BTAF1: variants seen among roughly 807,000 people sequenced by gnomAD.
BTAF1 encodes the protein B-TFIID TATA-box binding protein associated factor 1, also known as TATA-binding protein-associated factor 172.
Under a neutral mutation model 227.1 loss-of-function variants are expected in BTAF1, and 38 were observed. The observed-to-expected ratio is 0.17, with a 90% confidence interval of 0.13 to 0.22. The LOEUF (loss-of-function observed/expected upper bound fraction) is 0.22. Among genes scored for constraint, BTAF1 ranks in the 10% least tolerant of loss-of-function variants. BTAF1 has a pLI of 1.00. For missense variants in BTAF1, 1,598 were observed against 2,204.0 expected (o/e 0.73, Z 5.51); for synonymous variants, 742 against 751.9 (o/e 0.99, Z 0.21).
At chr10:91,961,332 A>G (rs970233089) in intron 11 of BTAF1, among the ~76,000 whole-genome samples, 3 of 152,190 alleles carry the variant, frequency 2.0e-5, no homozygotes, top group Non-Finnish European at 4.4e-5. Context: ...CATTATGGCT[A>G]CTTAATGCTT....
At chr10:91,977,767 A>G (rs573592129) in intron 14 of BTAF1, among the ~76,000 whole-genome samples, 5 of 152,288 alleles carry the variant, frequency 3.3e-5, no homozygotes, top group East Asian at 3.9e-4. Context: ...GCTAACAGGT[A>G]TAGAGTGGTA....
intron 23 of BTAF1, among the ~76,000 whole-genome samples, chr10:91,995,447 TGG>T (rs1849068608): frequency 6.6e-6 from 1 of 151,524 alleles, no homozygotes; most frequent in Admixed American, 6.6e-5. Flanking sequence ...GAGGCCGAGG[TGG>T]GTGAATCACG....
chr10:91,971,008 C>T (rs1419683710), intron 14 of BTAF1, among the ~76,000 whole-genome samples: 1 of 152,178 alleles, frequency 6.6e-6, no homozygotes, highest in Non-Finnish European at 1.5e-5. Flanking sequence ...AACAAAAGTG[C>T]TTTTCTAGTC....
chr10:91,948,369 CTATTTATTTATTTATTTATT>C (rs59744946), intron 4 of BTAF1, among the ~76,000 whole-genome samples: 2 of 143,046 alleles, frequency 1.4e-5, no homozygotes, highest in East Asian at 2.1e-4. Context: ...AGTTTTAGAA[CTATTTATTTATTTATTTATT>C]TATTTATTTA....
chr10:91,928,613 G>A (rs1844031530), intron 1 of BTAF1, among the ~76,000 whole-genome samples: 1 of 152,040 alleles, frequency 6.6e-6, no homozygotes, highest in Admixed American at 6.5e-5. Flanking sequence ...AATAATAAGT[G>A]TTATATTTTT....
chr10:92,023,853 C>T (rs977048152), intron 34 of BTAF1, among the ~76,000 whole-genome samples: 6 of 152,222 alleles, frequency 3.9e-5, no homozygotes, highest in South Asian at 4.2e-4. Flanking sequence ...CGGCTGGTCT[C>T]GAACTCTTGA....
rs768571890 is a variant in BTAF1 at position 92,009,194 on chromosome 10, C to T, written c.4089C>T (p.Pro1363=). Residue 1363 remains proline, a synonymous_variant, in exon 28 of 38, where the codon CCC becomes CCT. Transcript: ENST00000265990. The part of the protein sequence containing the change: ...YLNPLHYTGP[P]TERIRLQHQV... ...ACCCGTTGCATTACACTGGACCTCCCACTGAAAGAATAAGGTAAGAGTTGT... is the reference window on the plus strand; with the variant it reads ...ACCCGTTGCATTACACTGGACCTCCTACTGAAAGAATAAGGTAAGAGTTGT... 6.2e-7 allele frequency: 1 copy of T among 1,613,800 alleles called. No homozygotes were observed. The highest frequency in any genetic ancestry group is 1.1e-5 in the South Asian group (1 of 91,008).
chr10:92,010,690 G>A (rs1333805511), intron 28 of BTAF1, among the ~76,000 whole-genome samples: 1 of 152,188 alleles, frequency 6.6e-6, no homozygotes, highest in Non-Finnish European at 1.5e-5. Context: ...GTGGTTAGGG[G>A]ATTAAGTATT....
chr10:91,948,083 T>A (rs779679639), intron 4 of BTAF1, among the ~76,000 whole-genome samples: 19 of 152,174 alleles, frequency 1.2e-4, no homozygotes, highest in Non-Finnish European at 2.4e-4. Context: ...TATGTATACA[T>A]GTGCCGTGTT....
rs1329787834 is a variant in BTAF1, at chr10:92,030,820, TGTAAAATA to T, written c.*1893_*1900del. Reference sequence around the variant, plus strand: ...ACATTTTTAAAATAATCTTTTGAGTTGTAAAATAGTAAATCACACATTCCAACTTTTCC... The same window carrying T: ...ACATTTTTAAAATAATCTTTTGAGTTGTAAATCACACATTCCAACTTTTCC... On this transcript the variant is annotated 3_prime_UTR_variant, in exon 38 of 38. Transcript: ENST00000265990. 1.3e-5 allele frequency among the ~76,000 whole-genome samples: 2 copies of T among 152,172 alleles called. No individual in the cohort carries two copies. The highest frequency in any genetic ancestry group is 4.8e-5 in the African/African-American group (2 of 41,448).
intron 1 of BTAF1, 106 bp downstream of exon 1, chr10:91,924,196 C>A: frequency 6.9e-7 from 1 of 1,445,124 alleles, no homozygotes; most frequent in South Asian, 1.3e-5. Context: ...TGTCACTGGG[C>A]TCTGGAGCTT....
At chr10:91,965,099 GA>G (rs1191396645) in intron 13 of BTAF1, among the ~76,000 whole-genome samples, 2 of 152,096 alleles carry the variant, frequency 1.3e-5, no homozygotes, top group Non-Finnish European at 2.9e-5. Flanking sequence ...AGATTAGTTG[GA>G]TAGCCTATAA....
At chr10:91,984,456 T>G (rs1430069547) in intron 19 of BTAF1, 52 bp downstream of exon 19, 1 of 1,452,204 alleles carries the variant, frequency 6.9e-7, no homozygotes, top group Admixed American at 2.1e-5. Context: ...AAATATAGGT[T>G]AGAAATTTGT....
At chr10:91,940,414 G>A (rs1020116963) in intron 3 of BTAF1, among the ~76,000 whole-genome samples, 3 of 151,976 alleles carry the variant, frequency 2.0e-5, no homozygotes, top group Non-Finnish European at 4.4e-5. Context: ...TGGGAGAATA[G>A]TATAGGGTAG....
At chr10:91,928,758 CA>C (rs1844042232) in intron 1 of BTAF1, among the ~76,000 whole-genome samples, 1 of 43,858 alleles carries the variant, frequency 2.3e-5, no homozygotes, top group African/African-American at 9.4e-5. Flanking sequence ...AGCAAGAATC[CA>C]TCCCCCCCCC....
At chr10:91,932,385 A>G (rs1341114217) in intron 1 of BTAF1, among the ~76,000 whole-genome samples, 1 of 152,110 alleles carries the variant, frequency 6.6e-6, no homozygotes, top group Non-Finnish European at 1.5e-5. Context: ...CAGATTAAGG[A>G]TGTTTCTCAA....
chr10:92,006,754 A>G (rs1849916273), intron 25 of BTAF1, among the ~76,000 whole-genome samples: 1 of 152,222 alleles, frequency 6.6e-6, no homozygotes, highest in Non-Finnish European at 1.5e-5. Flanking sequence ...TCAGCCAAAT[A>G]CCAAAGTCGG....
intron 37 of BTAF1, among the ~76,000 whole-genome samples, chr10:92,027,731 AAATAG>A (rs1446316372): frequency 6.6e-6 from 1 of 151,168 alleles, no homozygotes; most frequent in African/African-American, 2.4e-5. Context: ...GATTCTCAAT[AAATAG>A]TAGCCATTGT....
chr10:91,963,809 C>T (rs1038832679), intron 12 of BTAF1, among the ~76,000 whole-genome samples: 1 of 152,076 alleles, frequency 6.6e-6, no homozygotes, highest in African/African-American at 2.4e-5. Context: ...ATAGTTGTGG[C>T]TCTTTTATTT....
Sources: allele counts gnomAD v4.1 joint callset (sites outside exome capture counted in the v4.1 genomes callset), GRCh38; gene constraint gnomAD v4.1.1; transcripts MANE v1.5; gene names NCBI Gene and HGNC (gene_info 2026-07-23, HGNC 2026-07-21).